OPCML: variants seen among roughly 807,000 people sequenced by gnomAD.
The protein encoded by OPCML is opioid-binding protein/cell adhesion molecule.
OPCML carries 13 observed loss-of-function variants against 37.8 expected under a neutral mutation model. The observed-to-expected ratio is 0.34, with a 90% CI of 0.22 to 0.55. OPCML has a LOEUF of 0.55. Ranked by LOEUF, OPCML falls within the 20% of genes least tolerant of loss-of-function variation. OPCML has a pLI of 0.91. For missense variants in OPCML, 341 were observed against 435.6 expected (o/e 0.78, Z 1.93); for synonymous variants, 176 against 168.8 (o/e 1.04, Z -0.33).
intron 1 of OPCML, among the ~76,000 whole-genome samples, chr11:133,437,448 A>G (rs1489252840): frequency 6.6e-6 from 1 of 152,150 alleles, no homozygotes; most frequent in African/African-American, 2.4e-5. Context: ...GGGAAATTGC[A>G]GGTCCTTTCA....
At chr11:133,126,970 T>C (rs940610160) in intron 1 of OPCML, among the ~76,000 whole-genome samples, 2 of 152,184 alleles carry the variant, frequency 1.3e-5, no homozygotes, top group Admixed American at 1.3e-4. Flanking sequence ...AGTGGTGGGA[T>C]GGTACTTTAG....
intron 2 of OPCML, among the ~76,000 whole-genome samples, chr11:132,747,044 G>C (rs1177951819): frequency 6.6e-6 from 1 of 152,154 alleles, no homozygotes; most frequent in Non-Finnish European, 1.5e-5. Context: ...ATGTGAGCAA[G>C]ATGCATGTAG....
At chr11:132,774,106 T>A (rs1331524656) in intron 2 of OPCML, among the ~76,000 whole-genome samples, 1 of 152,206 alleles carries the variant, frequency 6.6e-6, no homozygotes, top group African/African-American at 2.4e-5. Context: ...AAATTTTACC[T>A]ATAGTCTGGC....
chr11:132,915,771 G>T (rs1310521082), intron 2 of OPCML, among the ~76,000 whole-genome samples: 3 of 152,118 alleles, frequency 2.0e-5, no homozygotes, highest in Non-Finnish European at 2.9e-5. Context: ...TTTATTTCAA[G>T]TAATTGCTCA....
intron 2 of OPCML, among the ~76,000 whole-genome samples, chr11:132,822,584 G>A (rs1222847667): frequency 2.6e-5 from 4 of 152,122 alleles, no homozygotes; most frequent in African/African-American, 9.7e-5. Flanking sequence ...GGATGGTCCA[G>A]TCAGCTTTCT....
chr11:132,872,672 G>A (rs987403765), intron 2 of OPCML, among the ~76,000 whole-genome samples: 4 of 152,124 alleles, frequency 2.6e-5, no homozygotes, highest in African/African-American at 9.7e-5. Context: ...AAAGATATGA[G>A]ACTCATGGTG....
intron 1 of OPCML, among the ~76,000 whole-genome samples, chr11:133,333,531 A>G (rs947887135): frequency 1.3e-5 from 2 of 152,254 alleles, no homozygotes; most frequent in Non-Finnish European, 2.9e-5. Context: ...ACCCAAAACT[A>G]TAAAAACTCT....
At chr11:132,836,356 T>C (rs114217894) in intron 2 of OPCML, among the ~76,000 whole-genome samples, 186 of 152,346 alleles carry the variant, frequency 1.2e-3, no homozygotes, top group African/African-American at 4.3e-3. Flanking sequence ...GAATTATTTG[T>C]ACAGCATGAG....
intron 2 of OPCML, among the ~76,000 whole-genome samples, chr11:132,882,157 T>C (rs1474160631): frequency 6.6e-6 from 1 of 152,190 alleles, no homozygotes; most frequent in African/African-American, 2.4e-5. Context: ...CAACCAATGA[T>C]ATCCAGAAAT....
At chr11:132,688,262 G>A (rs555795849) in intron 2 of OPCML, among the ~76,000 whole-genome samples, 13 of 151,606 alleles carry the variant, frequency 8.6e-5, no homozygotes, top group South Asian at 4.2e-4. Context: ...CATATTCTTC[G>A]CAAAGAAAAA....
intron 1 of OPCML, among the ~76,000 whole-genome samples, chr11:133,093,969 G>A (rs914610228): frequency 5.3e-5 from 8 of 152,064 alleles, no homozygotes; most frequent in South Asian, 2.1e-4. Flanking sequence ...GGATATGTCC[G>A]GTGGATGCAT....
chr11:132,527,849 A>G (rs1280345278), intron 4 of OPCML, among the ~76,000 whole-genome samples: 2 of 152,196 alleles, frequency 1.3e-5, no homozygotes, highest in Non-Finnish European at 2.9e-5. Context: ...ATTATGGCTT[A>G]TATCCTTATT....
intron 1 of OPCML, among the ~76,000 whole-genome samples, chr11:133,217,978 G>A (rs745860576): frequency 5.9e-5 from 9 of 151,808 alleles, no homozygotes; most frequent in Non-Finnish European, 1.3e-4. Flanking sequence ...CCCAGGAAGT[G>A]GAGGCTGCAA....
intron 1 of OPCML, among the ~76,000 whole-genome samples, chr11:133,504,175 C>T (rs962940599): frequency 6.6e-6 from 1 of 152,166 alleles, no homozygotes; most frequent in South Asian, 2.1e-4. Flanking sequence ...GCAGACCTGT[C>T]CTGAAAAGAA....
At chr11:132,947,930 A>G (rs551652471) in intron 1 of OPCML, among the ~76,000 whole-genome samples, 29 of 152,304 alleles carry the variant, frequency 1.9e-4, no homozygotes, top group African/African-American at 7.0e-4. Context: ...CAAATTCAAT[A>G]TGCTCCAGTG....
intron 2 of OPCML, among the ~76,000 whole-genome samples, chr11:132,706,293 T>C (rs542608672): frequency 6.6e-6 from 1 of 152,314 alleles, no homozygotes; most frequent in South Asian, 2.1e-4. Context: ...GGATCAATTG[T>C]GTAGACAAGG....
chr11:133,176,337 C>CAT (rs113697893), intron 1 of OPCML, among the ~76,000 whole-genome samples: 1 of 140,032 alleles, frequency 7.1e-6, no homozygotes, highest in Non-Finnish European at 1.5e-5. Context: ...CTTCATTTTC[C>CAT]TTTTTTTTTT....
chr11:133,057,093 C>T (rs1487257267), intron 1 of OPCML, among the ~76,000 whole-genome samples: 1 of 152,202 alleles, frequency 6.6e-6, no homozygotes, highest in African/African-American at 2.4e-5. Context: ...ATCCACCCGC[C>T]TTGGCCTCCA....
intron 1 of OPCML, among the ~76,000 whole-genome samples, chr11:133,181,004 C>T (rs1036261587): frequency 6.6e-6 from 1 of 152,074 alleles, no homozygotes; most frequent in Admixed American, 6.5e-5. Flanking sequence ...GAATAACAAC[C>T]AAGCTAAATC....
Sources: gnomAD v4.1 joint callset for allele counts (sites outside exome capture counted in the v4.1 genomes callset) on GRCh38, gnomAD v4.1.1 for gene constraint, MANE v1.5 for transcripts, NCBI Gene and HGNC (gene_info 2026-07-23, HGNC 2026-07-21) for gene names.